Variants in NME7 observed in about 807,000 individuals in gnomAD.
NME7 encodes nucleoside diphosphate kinase 7.
In NME7, 41 loss-of-function variants were observed where a neutral mutation model predicts 49.1. The ratio of observed to expected loss-of-function variants is 0.83; its 90% CI spans 0.65 to 1.08. The LOEUF is 1.08. Ranked by LOEUF, NME7 falls within the 50% of genes least tolerant of loss-of-function variation. The pLI, the probability that NME7 is intolerant of heterozygous loss-of-function variation, is 0.00. For missense variants in NME7, 423 were observed against 463.4 expected (o/e 0.91, Z 0.80); for synonymous variants, 139 against 150.6 (o/e 0.92, Z 0.56).
chr1:169,241,871 A>C (rs748420985), intron 7 of NME7, among the ~76,000 whole-genome samples: 8 of 151,826 alleles, frequency 5.3e-5, no homozygotes, highest in Non-Finnish European at 1.2e-4. Flanking sequence ...AATCATATGA[A>C]GACAGTACAA....
At chr1:169,303,320 AT>A in intron 4 of NME7, 125 bp from the exon 5 acceptor site, 1 of 413,130 alleles carries the variant, frequency 2.4e-6, no homozygotes, top group Non-Finnish European at 4.2e-6. Context: ...TTAATTAATA[AT>A]TTTTCACCAA....
chr1:169,257,913 C>T (rs1353817204), intron 7 of NME7, among the ~76,000 whole-genome samples: 1 of 134,026 alleles, frequency 7.5e-6, no homozygotes, highest in Non-Finnish European at 1.8e-5. Context: ...CTTAGTTTTT[C>T]AAGCAAACAC....
At chr1:169,246,958 A>G (rs1288352693) in intron 7 of NME7, 1 of 440,530 alleles carries the variant, frequency 2.3e-6, no homozygotes, top group African/African-American at 2.0e-5. Context: ...CAATTAAGTG[A>G]GTAGAAAATA....
intron 10 of NME7, among the ~76,000 whole-genome samples, chr1:169,186,067 AC>A (rs62782861): frequency 0.044 from 6,726 of 152,260 alleles, 189 homozygotes; most frequent in South Asian, 0.11. Context: ...GTAGAAATGC[AC>A]CAAACAGATT....
At chr1:169,185,351 G>C (rs1200577759) in intron 10 of NME7, among the ~76,000 whole-genome samples, 2 of 152,144 alleles carry the variant, frequency 1.3e-5, no homozygotes, top group Non-Finnish European at 2.9e-5. Flanking sequence ...GAAAAAGGCA[G>C]ATGAAATTTG....
chr1:169,173,757 T>C (rs1364867920), intron 10 of NME7, among the ~76,000 whole-genome samples: 1 of 152,228 alleles, frequency 6.6e-6, no homozygotes, highest in East Asian at 1.9e-4. Flanking sequence ...TTCCTCTTGC[T>C]GCTTAAACTC....
chr1:169,359,168 G>T (rs1653566591), intron 1 of NME7, among the ~76,000 whole-genome samples: 1 of 152,048 alleles, frequency 6.6e-6, no homozygotes, highest in Admixed American at 6.6e-5. Context: ...ATATCCTCCA[G>T]TATATTTTAA....
intron 1 of NME7, among the ~76,000 whole-genome samples, chr1:169,351,712 AC>A (rs573942500): frequency 5.7e-4 from 86 of 152,122 alleles, no homozygotes; most frequent in African/African-American, 2.0e-3. Flanking sequence ...GAAGGCCCAA[AC>A]AAATAAAATC....
intron 6 of NME7, among the ~76,000 whole-genome samples, chr1:169,291,508 G>T (rs970918918): frequency 6.6e-6 from 1 of 152,042 alleles, no homozygotes; most frequent in Non-Finnish European, 1.5e-5. Flanking sequence ...GTTGCGGGGT[G>T]GGGGGCTAGG....
intron 1 of NME7, among the ~76,000 whole-genome samples, chr1:169,327,466 A>G (rs1363486815): frequency 2.0e-5 from 3 of 152,220 alleles, no homozygotes; most frequent in Non-Finnish European, 2.9e-5. Context: ...AATGTGTATT[A>G]TTATACCAGA....
intron 7 of NME7, among the ~76,000 whole-genome samples, chr1:169,282,538 G>A (rs1485150007): frequency 6.6e-6 from 1 of 152,086 alleles, no homozygotes; most frequent in Admixed American, 6.5e-5. Context: ...CAATTTTGAT[G>A]TTAGGGTATC....
intron 1 of NME7, among the ~76,000 whole-genome samples, chr1:169,351,054 AT>A (rs2101975522): frequency 6.6e-6 from 1 of 152,034 alleles, no homozygotes; most frequent in Admixed American, 6.6e-5. Flanking sequence ...ATTGGGACCA[AT>A]ACACACCCAC....
At chr1:169,278,881 T>C (rs1035947083) in intron 7 of NME7, among the ~76,000 whole-genome samples, 2 of 152,178 alleles carry the variant, frequency 1.3e-5, no homozygotes, top group Non-Finnish European at 2.9e-5. Flanking sequence ...GTTCTTTCTG[T>C]TTGTTAGTTT....
At chr1:169,226,567 C>A (rs189079465) in intron 10 of NME7, among the ~76,000 whole-genome samples, 2 of 152,200 alleles carry the variant, frequency 1.3e-5, no homozygotes, top group Admixed American at 6.5e-5. Flanking sequence ...GGCATACAGT[C>A]CTGCCTGACA....
Position 169,169,427 on chromosome 1 carries a change from G to GT in NME7, c.1098+19dup. ...TATGAGCTTGAAATATAAATAGGAT[G>GT]TTTACCTTCTTTATCTTACCTCTAA... On this transcript the variant is annotated intron_variant, in intron 11 of 11. Coordinates refer to ENST00000367811, the MANE Select transcript of NME7 (RefSeq NM_013330.5). 3 of 1,580,490 alleles carry GT rather than the reference G, an allele frequency of 1.9e-6. No individual in the cohort carries two copies. Among genetic ancestry groups the GT allele is most frequent in the Non-Finnish European group, 2.6e-6 (3 of 1,153,480 alleles).
At chr1:169,353,434 A>G (rs1349859111) in intron 1 of NME7, among the ~76,000 whole-genome samples, 1 of 152,118 alleles carries the variant, frequency 6.6e-6, no homozygotes, top group Non-Finnish European at 1.5e-5. Flanking sequence ...AATACCTCTA[A>G]CTATGAAACT....
At chr1:169,153,977 T>A (rs1215748624) in intron 11 of NME7, among the ~76,000 whole-genome samples, 1 of 151,952 alleles carries the variant, frequency 6.6e-6, no homozygotes, top group East Asian at 1.9e-4. Context: ...AGTGTTGGAA[T>A]TACAGGTGTG....
chr1:169,351,474 A>G (rs1211820980), intron 1 of NME7, among the ~76,000 whole-genome samples: 3 of 152,082 alleles, frequency 2.0e-5, no homozygotes, highest in Non-Finnish European at 4.4e-5. Context: ...CATTAAAAAA[A>G]AAGAGAGAAA....
In NME7 at chr1:169,298,637, A is replaced by C; in HGVS notation, c.567T>G (p.Ser189=). The C allele has an allele frequency of 6.2e-7, 1 of 1,614,034 alleles. No homozygotes were observed. Among genetic ancestry groups the C allele is most frequent in the Non-Finnish European group, 8.5e-7 (1 of 1,179,920 alleles). The change falls in exon 6 of 12, where the codon TCT becomes TCG. Residue 189 remains serine, a synonymous_variant. Transcript: ENST00000367811. ...ANSGVARTDA[S]ESIRALFGTD... ...TTCCAAAGAGGGCTCTAATGCTTTC[A>C]GAAGCATCTGTGCGTGCCACTCCAG...
Sources: allele counts gnomAD v4.1 joint callset (sites outside exome capture counted in the v4.1 genomes callset), GRCh38; gene constraint gnomAD v4.1.1; transcripts MANE v1.5; gene names NCBI Gene and HGNC (gene_info 2026-07-23, HGNC 2026-07-21).